The following KLHL13 variants were observed in gnomAD, a reference collection of about 807,000 sequenced individuals.
KLHL13 encodes the protein kelch-like protein 13.
In KLHL13, 10 loss-of-function variants were observed where a neutral mutation model predicts 37.1. That is an observed-to-expected ratio of 0.27 (90% confidence interval 0.17 to 0.46). The LOEUF (loss-of-function observed/expected upper bound fraction) is 0.46. Among genes scored for constraint, KLHL13 ranks in the 20% least tolerant of loss-of-function variants. The probability of loss-of-function intolerance (pLI) is 1.00; values close to 1 mark genes in which losing one functional copy is unlikely to be tolerated. For synonymous variants in KLHL13, 163 were observed against 181.2 expected (o/e 0.90, Z 0.81); for missense variants, 360 against 509.3 (o/e 0.71, Z 2.82).
At chrX:117,972,026 T>C (rs759066342) in intron 1 of KLHL13, among the ~76,000 whole-genome samples, 1 of 111,899 alleles carries the variant, frequency 8.9e-6, no homozygotes, top group East Asian at 2.8e-4. Flanking sequence ...TTTAAAAAGA[T>C]TTTCAAAAAT....
At chrX:117,937,487 C>A (rs1431306169) in intron 2 of KLHL13, among the ~76,000 whole-genome samples, 1 of 111,712 alleles carries the variant, frequency 9.0e-6, no homozygotes, top group African/African-American at 3.3e-5. Flanking sequence ...GACCCAGTTA[C>A]ACTTGTTTTG....
intron 1 of KLHL13, among the ~76,000 whole-genome samples, chrX:118,095,927 C>T (rs1295524872): frequency 1.8e-5 from 2 of 112,145 alleles, no homozygotes; most frequent in Non-Finnish European, 3.8e-5. Context: ...ACATTCAAAG[C>T]AGTGTGTAGA....
At position 117,909,561 on chromosome X, in the gene KLHL13, C is replaced by T; in HGVS notation, c.1106G>A (p.Trp369Ter). The T allele has an allele frequency of 8.3e-7, 1 of 1,211,584 alleles. No individual in the cohort carries two copies. The highest frequency in any genetic ancestry group is 1.1e-6 in the Non-Finnish European group (1 of 895,483). The change falls in exon 5 of 7, where the codon TGG becomes TAG. Residue 369 changes from tryptophan (W) to a stop codon, truncating the protein, a stop_gained. Transcript: ENST00000262820. LOFTEE classifies it high-confidence loss of function. ...GGCATCCATGGGGGCTAACGATTTC[C>T]ACTCATGGGCCTTTTCATCATACAT...
intron 1 of KLHL13, among the ~76,000 whole-genome samples, chrX:117,979,350 G>T (rs1442955087): frequency 1.4e-4 from 16 of 111,703 alleles, no homozygotes; most frequent in African/African-American, 5.2e-4. Flanking sequence ...ATCAGTAGGG[G>T]TAACATATCC....
chrX:117,993,988 G>A (rs1288016726), intron 1 of KLHL13, among the ~76,000 whole-genome samples: 2 of 108,954 alleles, frequency 1.8e-5, no homozygotes, highest in Non-Finnish European at 3.8e-5. Context: ...CACCCACCTC[G>A]GCCTCCCAAA....
chrX:118,054,734 CT>C (rs1470144578), intron 1 of KLHL13, among the ~76,000 whole-genome samples: 2 of 111,654 alleles, frequency 1.8e-5, no homozygotes, highest in African/African-American at 6.5e-5. Context: ...ATTGTGAGTA[CT>C]GTATTAAATT....
At chrX:117,973,950 T>C (rs1303316200), upstream of KLHL13, among the ~76,000 whole-genome samples, 1 of 107,871 alleles carries the variant, frequency 9.3e-6, no homozygotes, top group African/African-American at 3.4e-5. Flanking sequence ...CGGTAACCTA[T>C]AGGGATTAGC....
intron 1 of KLHL13, among the ~76,000 whole-genome samples, chrX:118,047,871 G>C (rs886147522): frequency 8.9e-6 from 1 of 111,924 alleles, no homozygotes; most frequent in Non-Finnish European, 1.9e-5. Flanking sequence ...CCGTGGGCTC[G>C]AAGGGAAACC....
In KLHL13 at chrX:118,089,540, T is replaced by G. The variant is rs184518778; in HGVS notation, c.-56+26968A>C. ...AGATGAAGCCAGCTAAGACAGAAAG[T>G]TTCATTCATAGGGCAAGATTTTAAA... On this transcript the variant is annotated intron_variant, in intron 1 of 6. Transcript: ENST00000371882. Among the ~76,000 whole-genome samples, 731 of 98,966 alleles carry G rather than the reference T, an allele frequency of 7.4e-3. 3 individuals carry two copies. Among genetic ancestry groups the G allele is most frequent in the Non-Finnish European group, 0.012 (589 of 49,755 alleles). The allele number at this position is 98,966 out of a possible 115,157, so 85.9% of individuals were successfully genotyped here.
chrX:117,973,004 C>T, exon 1 of KLHL13: 1 of 1,062,896 alleles, frequency 9.4e-7, no homozygotes, highest in South Asian at 2.6e-5. Flanking sequence ...CTGTAAGGTA[C>T]CTCCTTAAAT....
chrX:117,951,243 C>T (rs1010094796), intron 1 of KLHL13, among the ~76,000 whole-genome samples: 5 of 111,165 alleles, frequency 4.5e-5, no homozygotes, highest in African/African-American at 1.6e-4. Flanking sequence ...ATAAGCCTGG[C>T]ATTTTTGTTG....
intron 2 of KLHL13, among the ~76,000 whole-genome samples, chrX:117,937,847 T>C (rs1044324834): frequency 8.9e-6 from 1 of 111,972 alleles, no homozygotes; most frequent in Non-Finnish European, 1.9e-5. Context: ...CTTTAGAATA[T>C]TTTTATCACT....
chrX:118,004,411 G>A (rs1324846361), intron 1 of KLHL13, among the ~76,000 whole-genome samples: 1 of 111,757 alleles, frequency 8.9e-6, no homozygotes, highest in Admixed American at 9.5e-5. Flanking sequence ...AAGGAACCAT[G>A]ATGCCTGATT....
intron 1 of KLHL13, among the ~76,000 whole-genome samples, chrX:118,086,665 A>G (rs2055057925): frequency 8.9e-6 from 1 of 112,070 alleles, no homozygotes; most frequent in African/African-American, 3.2e-5. Context: ...AAAAGAGGAT[A>G]TACACACATG....
intron 1 of KLHL13, among the ~76,000 whole-genome samples, chrX:118,034,019 T>C (rs1489774373): frequency 3.0e-5 from 3 of 101,428 alleles, no homozygotes; most frequent in African/African-American, 1.2e-4. Flanking sequence ...GGTAAAGGGA[T>C]CAATTCAACA....
intron 1 of KLHL13, among the ~76,000 whole-genome samples, chrX:118,035,985 C>G (rs1220033331): frequency 9.9e-6 from 1 of 100,573 alleles, no homozygotes; most frequent in Non-Finnish European, 1.9e-5. Context: ...AGTGAACTCC[C>G]ATTCACAACT....
intron 1 of KLHL13, among the ~76,000 whole-genome samples, chrX:118,030,397 A>T (rs747690722): frequency 1.8e-5 from 2 of 112,195 alleles, no homozygotes; most frequent in African/African-American, 6.5e-5. Context: ...AAAAGGGAAA[A>T]ATCTATATCT....
At chrX:118,102,593 T>TA (rs1421270709) in intron 1 of KLHL13, among the ~76,000 whole-genome samples, 1 of 112,352 alleles carries the variant, frequency 8.9e-6, no homozygotes, top group African/African-American at 3.2e-5. Context: ...TCACCTGGTT[T>TA]AAAGAAGGTA....
intron 2 of KLHL13, among the ~76,000 whole-genome samples, chrX:117,942,893 C>T (rs1205774790): frequency 9.0e-6 from 1 of 110,941 alleles, no homozygotes; most frequent in East Asian, 2.8e-4. Context: ...TATTTTGCCC[C>T]TTTATTGATG....
Sources: gnomAD v4.1 joint callset for allele counts (sites outside exome capture counted in the v4.1 genomes callset) on GRCh38, gnomAD v4.1.1 for gene constraint, MANE v1.5 for transcripts, NCBI Gene and HGNC (gene_info 2026-07-23, HGNC 2026-07-21) for gene names.